CSMD1: variants seen among roughly 807,000 people sequenced by gnomAD.
CSMD1 encodes the protein CUB and sushi domain-containing protein 1.
Under a neutral mutation model 417.5 loss-of-function variants are expected in CSMD1, and 213 were observed. The observed-to-expected ratio is 0.51, with a 90% CI of 0.46 to 0.57. CSMD1 has a LOEUF of 0.57. CSMD1 is among the 20% of genes least tolerant of loss of function. The pLI is 0.00. For missense variants in CSMD1, 6,923 were observed against 4,529.7 expected (o/e 1.53, Z -15.17); for synonymous variants, 2,862 against 1,736.8 (o/e 1.65, Z -16.11).
chr8:4,569,012 G>C (rs1024999509), intron 2 of CSMD1, among the ~76,000 whole-genome samples: 1 of 152,074 alleles, frequency 6.6e-6, no homozygotes, highest in African/African-American at 2.4e-5. Flanking sequence ...CTGGATATTA[G>C]ATTAACTCTT....
intron 2 of CSMD1, among the ~76,000 whole-genome samples, chr8:4,622,128 G>A (rs186995468): frequency 4.1e-5 from 6 of 147,144 alleles, no homozygotes; most frequent in African/African-American, 7.6e-5. Context: ...TATGAAGAAC[G>A]ATTAATTTAT....
chr8:3,022,344 T>G (rs1198989441), intron 51 of CSMD1, among the ~76,000 whole-genome samples: 7 of 151,724 alleles, frequency 4.6e-5, no homozygotes, highest in Non-Finnish European at 8.8e-5. Context: ...GCATCCGGAA[T>G]GCACCCGCAA....
chr8:4,522,360 A>G (rs1803507035), intron 2 of CSMD1, among the ~76,000 whole-genome samples: 1 of 152,174 alleles, frequency 6.6e-6, no homozygotes, highest in Admixed American at 6.5e-5. Context: ...GTTAATTGCC[A>G]AGTCTCCGGT....
chr8:3,644,206 A>C (rs1797459199), intron 7 of CSMD1, among the ~76,000 whole-genome samples: 1 of 152,218 alleles, frequency 6.6e-6, no homozygotes, highest in South Asian at 2.1e-4. Context: ...CGGGGCTCAG[A>C]AATCTATTTC....
intron 50 of CSMD1, among the ~76,000 whole-genome samples, chr8:3,052,209 A>C (rs952369694): frequency 6.6e-6 from 1 of 152,218 alleles, no homozygotes. Flanking sequence ...ATAGGATGTG[A>C]TGTGCAAATT....
chr8:4,937,398 T>C (rs780618372), intron 1 of CSMD1, among the ~76,000 whole-genome samples: 5 of 152,166 alleles, frequency 3.3e-5, no homozygotes, highest in Non-Finnish European at 7.3e-5. Flanking sequence ...CTGGGAAATA[T>C]GACAGGTTGA....
At chr8:4,658,903 A>G (rs554105413) in intron 1 of CSMD1, among the ~76,000 whole-genome samples, 9 of 152,276 alleles carry the variant, frequency 5.9e-5, no homozygotes, top group African/African-American at 2.2e-4. Flanking sequence ...TTTCTATGTT[A>G]TTGAAAATAC....
chr8:3,616,625 C>G (rs1391905959), intron 8 of CSMD1, 85 bp downstream of exon 8: 2 of 859,518 alleles, frequency 2.3e-6, no homozygotes, highest in African/African-American at 1.7e-5. Flanking sequence ...CTCAAAAGAA[C>G]AAAAGAGTTA....
chr8:4,635,601 G>C (rs1263967073), intron 2 of CSMD1, among the ~76,000 whole-genome samples: 1 of 152,082 alleles, frequency 6.6e-6, no homozygotes, highest in Non-Finnish European at 1.5e-5. Context: ...TTAACGTAGA[G>C]TCACACACAT....
intron 3 of CSMD1, 73 bp from the exon 4 acceptor site, chr8:4,032,172 A>G: frequency 6.5e-6 from 7 of 1,079,308 alleles, no homozygotes; most frequent in Non-Finnish European, 9.3e-6. Flanking sequence ...AAGATAAAAC[A>G]GACACCATTT....
intron 18 of CSMD1, among the ~76,000 whole-genome samples, chr8:3,374,376 G>C (rs1810177897): frequency 6.6e-6 from 1 of 152,106 alleles, no homozygotes; most frequent in Non-Finnish European, 1.5e-5. Context: ...AACACTCATT[G>C]ATGCTTCTGG....
chr8:4,051,891 C>CCTTT (rs1798449332), intron 3 of CSMD1, among the ~76,000 whole-genome samples: 2 of 68,538 alleles, frequency 2.9e-5, no homozygotes, highest in African/African-American at 1.1e-4. Flanking sequence ...TTCCTTCCTT[C>CCTTT]CTTCCTTCCT....
chr8:3,782,725 G>C (rs762956672), intron 5 of CSMD1, among the ~76,000 whole-genome samples: 3 of 152,170 alleles, frequency 2.0e-5, no homozygotes, highest in Admixed American at 6.5e-5. Context: ...AAGGAGCTGG[G>C]TGTTGGTGAT....
intron 4 of CSMD1, among the ~76,000 whole-genome samples, chr8:4,024,621 G>A (rs868036592): frequency 1.3e-5 from 2 of 152,222 alleles, no homozygotes; most frequent in Middle Eastern, 3.4e-3. Flanking sequence ...GGTTCTTTGA[G>A]GTACAAGCAG....
At chr8:4,134,204 T>A (rs1442050910) in intron 3 of CSMD1, among the ~76,000 whole-genome samples, 1 of 152,194 alleles carries the variant, frequency 6.6e-6, no homozygotes, top group African/African-American at 2.4e-5. Flanking sequence ...AAAGTCACTG[T>A]CCTTACACGC....
chr8:4,628,103 A>G (rs1204470183), intron 2 of CSMD1, among the ~76,000 whole-genome samples: 1 of 141,216 alleles, frequency 7.1e-6, no homozygotes, highest in Non-Finnish European at 1.5e-5. Flanking sequence ...TATATACCAT[A>G]TATATACTTC....
intron 5 of CSMD1, among the ~76,000 whole-genome samples, chr8:3,797,777 C>G (rs1194601564): frequency 6.6e-6 from 1 of 151,864 alleles, no homozygotes; most frequent in Non-Finnish European, 1.5e-5. Context: ...CGTGATAAAA[C>G]AGAAAATTCC....
chr8:3,465,783 G>A (rs1332411720), intron 12 of CSMD1, among the ~76,000 whole-genome samples: 1 of 152,144 alleles, frequency 6.6e-6, no homozygotes, highest in Non-Finnish European at 1.5e-5. Flanking sequence ...TCAAGTCGAT[G>A]TTAAAATAAG....
At chr8:4,779,720 C>A (rs1461130793) in intron 1 of CSMD1, among the ~76,000 whole-genome samples, 2 of 152,024 alleles carry the variant, frequency 1.3e-5, no homozygotes, top group Non-Finnish European at 2.9e-5. Flanking sequence ...TGTATAAAAC[C>A]AAAGGAAAGT....
Sources: gnomAD v4.1 joint callset for allele counts (sites outside exome capture counted in the v4.1 genomes callset) on GRCh38, gnomAD v4.1.1 for gene constraint, MANE v1.5 for transcripts, NCBI Gene and HGNC (gene_info 2026-07-23, HGNC 2026-07-21) for gene names.